Variants in SCAMP1 observed in about 807,000 individuals in gnomAD.
SCAMP1 encodes secretory carrier membrane protein 1, also known as secretory carrier-associated membrane protein 1.
SCAMP1 carries 15 observed loss-of-function variants against 41.8 expected under a neutral mutation model. That is an observed-to-expected ratio of 0.36 (90% confidence interval 0.24 to 0.55). The LOEUF (loss-of-function observed/expected upper bound fraction) is 0.55. Among genes scored for constraint, SCAMP1 ranks in the 20% least tolerant of loss-of-function variants. SCAMP1 has a pLI of 0.86. For missense variants in SCAMP1, 341 were observed against 412.6 expected, an observed-to-expected ratio of 0.83 and a Z score of 1.50; for synonymous variants, 135 against 136.8, an observed-to-expected ratio of 0.99 and a Z score of 0.09.
At chr5:78,385,134 C>A (rs1751311229) in intron 1 of SCAMP1, among the ~76,000 whole-genome samples, 2 of 152,024 alleles carry the variant, frequency 1.3e-5, no homozygotes, top group Non-Finnish European at 1.5e-5. Context: ...CTGCTTGTTA[C>A]TGGTCTGTTC....
intron 8 of SCAMP1, among the ~76,000 whole-genome samples, chr5:78,471,308 G>T (rs1264235394): frequency 2.0e-5 from 3 of 152,088 alleles, no homozygotes; most frequent in Admixed American, 2.0e-4. Context: ...ATTTCGACAT[G>T]GTGAAACTAG....
At chr5:78,409,745 A>G (rs1249470203) in intron 2 of SCAMP1, among the ~76,000 whole-genome samples, 1 of 152,182 alleles carries the variant, frequency 6.6e-6, no homozygotes, top group African/African-American at 2.4e-5. Flanking sequence ...AATATATCGC[A>G]TTACCAGCTC....
intron 1 of SCAMP1, among the ~76,000 whole-genome samples, chr5:78,371,463 T>C (rs995063251): frequency 6.6e-6 from 1 of 152,232 alleles, no homozygotes; most frequent in African/African-American, 2.4e-5. Flanking sequence ...AAAATCTCAG[T>C]ATTCTTAATC....
chr5:78,448,198 TG>T (rs1231665281), intron 6 of SCAMP1, among the ~76,000 whole-genome samples: 4 of 135,288 alleles, frequency 3.0e-5, no homozygotes, highest in Non-Finnish European at 4.7e-5. Context: ...TGTTTTTTTT[TG>T]TTTTTTTTTA....
At chr5:78,390,910 C>T (rs906404924) in intron 2 of SCAMP1, among the ~76,000 whole-genome samples, 3 of 150,206 alleles carry the variant, frequency 2.0e-5, no homozygotes, top group Non-Finnish European at 4.5e-5. Context: ...TTGCACCGCC[C>T]TTAATCCATT....
chr5:78,383,998 T>C (rs932683147), intron 1 of SCAMP1, among the ~76,000 whole-genome samples: 6 of 152,148 alleles, frequency 3.9e-5, no homozygotes, highest in Admixed American at 1.3e-4. Flanking sequence ...GTTAATTGCA[T>C]TGAATTTGTA....
chr5:78,418,850 A>T lies in SCAMP1; in HGVS notation c.419A>T (p.Asp140Val). ...TGTTTCTATCAGGATTTTTCTGTAG[A>T]CATTCCTGTAGAATTCCAAAAGACA... is the stretch of plus-strand genomic sequence containing the variant. ...GPCFYQDFSV[D>V]IPVEFQKTVK... The change falls in exon 5 of 9, where the codon GAC (aspartate) becomes GTC (valine). Residue 140 changes from aspartate (D) to valine (V), a missense_variant. Coordinates refer to ENST00000621999, the MANE Select transcript of SCAMP1 (RefSeq NM_004866.6). 6.3e-7 allele frequency: 1 copy of T among 1,581,958 alleles called. No individual in the cohort carries two copies. The highest frequency in any genetic ancestry group is 1.8e-5 in the Admixed American group (1 of 55,640).
intron 8 of SCAMP1, among the ~76,000 whole-genome samples, chr5:78,464,162 TG>T (rs57509673): frequency 0.035 from 5,340 of 151,552 alleles, 341 homozygotes; most frequent in African/African-American, 0.12. Flanking sequence ...TTTCTTTTTT[TG>T]AGATAGAGTC....
chr5:78,479,691 G>T lies in SCAMP1; in HGVS notation c.*4023G>T, dbSNP rs141172486. Among the ~76,000 whole-genome samples the T allele has an allele frequency of 6.6e-6, 1 of 152,096 alleles. No homozygotes were observed. Among genetic ancestry groups the T allele is most frequent in the South Asian group, 2.1e-4 (1 of 4,818 alleles). Reference sequence around the variant, plus strand: ...ACTGTTCTCCAGTTTTCTCACCCCCGCTGTGGGTTTTATATTTACAATTTA... The same window carrying T: ...ACTGTTCTCCAGTTTTCTCACCCCCTCTGTGGGTTTTATATTTACAATTTA... On this transcript the variant is annotated 3_prime_UTR_variant, in exon 9 of 9. Transcript: ENST00000621999.
At chr5:78,453,850 CTT>C (rs1341921061) in intron 7 of SCAMP1, among the ~76,000 whole-genome samples, 1 of 151,302 alleles carries the variant, frequency 6.6e-6, no homozygotes, top group African/African-American at 2.4e-5. Context: ...TTTGTATCCT[CTT>C]TTATTTCCTT....
At chr5:78,443,094 T>C (rs991294595) in intron 6 of SCAMP1, among the ~76,000 whole-genome samples, 1 of 151,252 alleles carries the variant, frequency 6.6e-6, no homozygotes. Context: ...GTGCCTGTAG[T>C]CCCAGCTATG....
intron 1 of SCAMP1, among the ~76,000 whole-genome samples, chr5:78,382,818 TGC>T (rs1164727902): frequency 0.044 from 4,017 of 90,408 alleles, 101 homozygotes; most frequent in African/African-American, 0.078. Context: ...TGTGTGTGTG[TGC>T]GCCACATTTT....
At chr5:78,366,901 A>G (rs1171424637) in intron 1 of SCAMP1, among the ~76,000 whole-genome samples, 1 of 148,200 alleles carries the variant, frequency 6.7e-6, no homozygotes, top group African/African-American at 2.5e-5. Context: ...CGGGAGGGTG[A>G]CAGAGTGAGA....
At chr5:78,449,052 A>G (rs1753151389) in intron 6 of SCAMP1, among the ~76,000 whole-genome samples, 1 of 152,066 alleles carries the variant, frequency 6.6e-6, no homozygotes, top group Non-Finnish European at 1.5e-5. Context: ...TTTGTAAAAC[A>G]GTTTGGCAGT....
intron 6 of SCAMP1, among the ~76,000 whole-genome samples, chr5:78,442,213 A>G (rs970905380): frequency 6.6e-6 from 1 of 152,250 alleles, no homozygotes; most frequent in East Asian, 1.9e-4. Context: ...ACTGTTTAGT[A>G]TTCTCTGTTC....
chr5:78,473,903 C>G (rs1753943612), intron 8 of SCAMP1, among the ~76,000 whole-genome samples: 1 of 151,990 alleles, frequency 6.6e-6, no homozygotes, highest in Admixed American at 6.6e-5. Flanking sequence ...GCTTAAACAA[C>G]AGATAATGAT....
chr5:78,448,683 A>T (rs1432088019), intron 6 of SCAMP1, among the ~76,000 whole-genome samples: 1 of 152,226 alleles, frequency 6.6e-6, no homozygotes, highest in Admixed American at 6.5e-5. Context: ...TGGAATACTC[A>T]TGTACTGCCA....
chr5:78,413,107 C>T (rs1752121889), intron 2 of SCAMP1, among the ~76,000 whole-genome samples: 1 of 152,104 alleles, frequency 6.6e-6, no homozygotes, highest in Non-Finnish European at 1.5e-5. Flanking sequence ...CATGAATTTA[C>T]CTCGAATTAA....
intron 1 of SCAMP1, among the ~76,000 whole-genome samples, chr5:78,380,741 C>T (rs1340246341): frequency 1.3e-5 from 2 of 152,134 alleles, no homozygotes; most frequent in Non-Finnish European, 2.9e-5. Context: ...AAAAAGATCA[C>T]TGATCACAGA....
Sources: gnomAD v4.1 joint callset for allele counts (sites outside exome capture counted in the v4.1 genomes callset) on GRCh38, gnomAD v4.1.1 for gene constraint, MANE v1.5 for transcripts, NCBI Gene and HGNC (gene_info 2026-07-23, HGNC 2026-07-21) for gene names.